Variants in SAFB observed in about 807,000 individuals in gnomAD.
SAFB encodes the protein scaffold attachment factor B.
In SAFB, 15 loss-of-function variants were observed where a neutral mutation model predicts 101.6. The observed-to-expected ratio is 0.15, with a 90% CI of 0.10 to 0.23. The LOEUF is 0.23. SAFB is among the 10% of genes least tolerant of loss of function. The pLI, the probability that SAFB is intolerant of heterozygous loss-of-function variation, is 1.00. For synonymous variants in SAFB, 449 were observed against 407.5 expected (o/e 1.10, Z -1.23); for missense variants, 930 against 1,104.1 (o/e 0.84, Z 2.23).
intron 2 of SAFB, among the ~76,000 whole-genome samples, chr19:5,640,565 A>G (rs1438418798): frequency 6.6e-6 from 1 of 151,996 alleles, no homozygotes; most frequent in African/African-American, 2.4e-5. Context: ...AAGTTAAAAA[A>G]AAACCTTCCT....
At position 5,644,613 on chromosome 19, in the gene SAFB, T is replaced by A. The variant is rs562604514; in HGVS notation, c.547-724T>A. ...TGTGCGTGTCTTTCCTAGTGAAATA[T>A]AGTGATAAAAATACATGCTGGTTAT... On this transcript the variant is annotated intron_variant, in intron 4 of 20. Coordinates refer to ENST00000588852, the MANE Select transcript of SAFB (RefSeq NM_001201338.2). Among the ~76,000 whole-genome samples, 3 of 152,366 alleles carry A rather than the reference T, an allele frequency of 2.0e-5. No individual in the cohort carries two copies. In the South Asian group the frequency reaches 6.2e-4, roughly 32 times the overall value.
At chr19:5,639,319 C>T (rs963342965) in intron 2 of SAFB, among the ~76,000 whole-genome samples, 1 of 152,118 alleles carries the variant, frequency 6.6e-6, no homozygotes, top group Non-Finnish European at 1.5e-5. Context: ...ATTATTTAGC[C>T]TTCAGTATGG....
intron 1 of SAFB, 134 bp downstream of exon 1, chr19:5,623,528 C>A: frequency 1.4e-6 from 1 of 706,580 alleles, no homozygotes; most frequent in Non-Finnish European, 2.2e-6. Context: ...TCGCGTCCCC[C>A]GGCTCCTCCG....
At position 5,667,182 on chromosome 19, in the gene SAFB, G is replaced by C. The variant is rs780766960; in HGVS notation, c.2453+18G>C. The stretch of plus-strand genomic sequence containing the variant: ...CCCCCCAGGTTTGTGTCCCACACCC[G>C]ACAGTACCTGACCCCCCCCCCGCCC... On this transcript the variant is annotated intron_variant, in intron 18 of 20. Transcript: ENST00000588852. This position sits in a 1 kb window ranked among gnomAD's most constrained non-coding sequence, Gnocchi z 4.0. 1 of 1,420,596 alleles carries C rather than the reference G, an allele frequency of 7.0e-7. No homozygotes were observed. 88.0% of individuals were successfully genotyped at this position (1,420,596 alleles called of 1,614,324 possible). A position where few individuals can be genotyped will look rare whatever the true frequency, so the allele number is the denominator to read the frequency against.
At chr19:5,655,503 T>G (rs1290992808) in intron 13 of SAFB, among the ~76,000 whole-genome samples, 2 of 149,418 alleles carry the variant, frequency 1.3e-5, no homozygotes, top group African/African-American at 2.5e-5. Flanking sequence ...ATTTGCATGG[T>G]CTGTGCACAC....
At position 5,645,385 on chromosome 19, in the gene SAFB, T is replaced by C. The variant is rs1386368570; in HGVS notation, c.595T>C (p.Phe199Leu). The C allele has an allele frequency of 1.5e-6, 2 of 1,372,010 alleles. No individual in the cohort carries two copies. Among genetic ancestry groups the C allele is most frequent in the Non-Finnish European group, 2.1e-6 (2 of 960,616 alleles). The allele number at this position is 1,372,010 out of a possible 1,614,324, so 85.0% of individuals were successfully genotyped here. A position where few individuals can be genotyped will look rare whatever the true frequency, so the allele number is the denominator to read the frequency against. The change falls in exon 5 of 21, where the codon TTC becomes CTC. Residue 199 changes from phenylalanine to leucine, a missense_variant. Coordinates refer to ENST00000588852, the MANE Select transcript of SAFB (RefSeq NM_001201338.2). ...CAATTTAGATACTTCATCATCTGAC[T>C]TCACTATATTACAGGTAAACTGTTG... ...INNLDTSSSD[F>L]TILQEIEEPS...
intron 6 of SAFB, chr19:5,648,417 A>G (rs911436386): frequency 1.7e-5 from 5 of 285,884 alleles, no homozygotes; most frequent in East Asian, 8.7e-5. Flanking sequence ...TGTTGTTTTT[A>G]ATTGAGGCAG....
At position 5,641,819 on chromosome 19, in the gene SAFB, A is replaced by G; in HGVS notation, c.419A>G (p.Asp140Gly). The G allele has an allele frequency of 6.2e-7, 1 of 1,614,142 alleles. No homozygotes were observed. ...AGTGTGTTGGATGAAGCAGAAATTG[A>G]TAATGGAAGCGTTGCAGATTGTGTC... ...DISVLDEAEIDNGSVADCVED... is the reference protein window; with the variant it reads ...DISVLDEAEIGNGSVADCVED... The change falls in exon 4 of 21, where the codon GAT becomes GGT. Residue 140 changes from aspartate (D) to glycine (G), a missense_variant. This residue lies in a region of SAFB where 119 missense variants were observed against 171.4 expected (regional missense o/e 0.69). Transcript: ENST00000588852.
chr19:5,655,833 A>G (rs575845441), intron 13 of SAFB, among the ~76,000 whole-genome samples: 1 of 152,356 alleles, frequency 6.6e-6, no homozygotes, highest in South Asian at 2.1e-4. Context: ...TCTCTTAACA[A>G]TGTCATTGGC....
At chr19:5,668,008 G>C in intron 20 of SAFB, 122 bp downstream of exon 20, 2 of 1,419,236 alleles carry the variant, frequency 1.4e-6, no homozygotes, top group Non-Finnish European at 1.9e-6. Flanking sequence ...CGTGAGGCCA[G>C]GCATGGGGTA....
intron 6 of SAFB, 186 bp from the exon 7 acceptor site, chr19:5,648,803 C>T: frequency 1.5e-6 from 1 of 658,222 alleles, no homozygotes. Flanking sequence ...AGAGGCTTAC[C>T]TAGAGGCGGT....
chr19:5,650,311 T>C (rs951185366), intron 8 of SAFB, among the ~76,000 whole-genome samples: 11 of 152,198 alleles, frequency 7.2e-5, no homozygotes, highest in African/African-American at 2.4e-4. Flanking sequence ...ATGGGATAGA[T>C]ACAGAGCTAT....
intron 2 of SAFB, among the ~76,000 whole-genome samples, chr19:5,640,208 G>A (rs1188191151): frequency 1.3e-5 from 2 of 152,062 alleles, no homozygotes; most frequent in African/African-American, 4.8e-5. Flanking sequence ...GAAAAGTACA[G>A]GTGATCAACA....
chr19:5,658,459 G>A (rs187008674), intron 14 of SAFB, among the ~76,000 whole-genome samples: 26 of 152,356 alleles, frequency 1.7e-4, no homozygotes, highest in Admixed American at 4.6e-4. Context: ...TCGGGAGGCC[G>A]AGGCTGGTGG....
At chr19:5,632,575 G>A (rs1407184754) in intron 2 of SAFB, among the ~76,000 whole-genome samples, 1 of 152,112 alleles carries the variant, frequency 6.6e-6, no homozygotes, top group Non-Finnish European at 1.5e-5. Context: ...GTCATGCATT[G>A]CATCAGGTTG....
intron 2 of SAFB, among the ~76,000 whole-genome samples, chr19:5,634,352 T>C (rs1427922557): frequency 6.6e-6 from 1 of 152,082 alleles, no homozygotes; most frequent in East Asian, 1.9e-4. Flanking sequence ...ATACAGGGAT[T>C]TCCTCTAATT....
chr19:5,640,238 A>T (rs2053677128), intron 2 of SAFB, among the ~76,000 whole-genome samples: 1 of 152,230 alleles, frequency 6.6e-6, no homozygotes, highest in Non-Finnish European at 1.5e-5. Context: ...AAATGATTCA[A>T]AGCAATTTGA....
intron 15 of SAFB, among the ~76,000 whole-genome samples, chr19:5,663,275 A>G (rs1489272589): frequency 6.6e-6 from 1 of 152,252 alleles, no homozygotes; most frequent in Admixed American, 6.5e-5. Context: ...TGCTGGGATT[A>G]CAGGCATGAG....
chr19:5,661,885 ATTTTT>A, intron 15 of SAFB, 77 bp downstream of exon 15: 10 of 833,018 alleles, frequency 1.2e-5, no homozygotes, highest in East Asian at 2.8e-5. Context: ...TTAGCTTGAG[ATTTTT>A]TTTTTTTTTT....
Sources: gnomAD v4.1 joint callset for allele counts (sites outside exome capture counted in the v4.1 genomes callset) on GRCh38, gnomAD v4.1.1 for gene constraint, gnomAD v4.1.1 regional missense constraint, Gnocchi (gnomAD v3.1) non-coding constraint, MANE v1.5 for transcripts, NCBI Gene and HGNC (gene_info 2026-07-23, HGNC 2026-07-21) for gene names.